Variants in MEIS2 observed in about 807,000 individuals in gnomAD.
The protein encoded by MEIS2 is homeobox protein Meis2.
A neutral mutation model predicts 58.6 loss-of-function variants in MEIS2; 9 were observed. The ratio of observed to expected loss-of-function variants is 0.15; its 90% CI spans 0.09 to 0.27. The LOEUF (loss-of-function observed/expected upper bound fraction) is 0.27. Ranked by LOEUF, MEIS2 falls within the 10% of genes least tolerant of loss-of-function variation. The pLI is 1.00. For synonymous variants in MEIS2, 221 were observed against 228.4 expected (o/e 0.97, Z 0.29); for missense variants, 427 against 635.0 (o/e 0.67, Z 3.52).
intron 7 of MEIS2, among the ~76,000 whole-genome samples, chr15:37,068,708 C>T (rs1358159414): frequency 6.6e-6 from 1 of 152,100 alleles, no homozygotes; most frequent in Non-Finnish European, 1.5e-5. Flanking sequence ...TACTAGACAA[C>T]ATGACTAGAA....
intron 8 of MEIS2, among the ~76,000 whole-genome samples, chr15:37,028,265 C>T (rs1292045561): frequency 2.6e-5 from 4 of 152,074 alleles, no homozygotes; most frequent in Non-Finnish European, 2.9e-5. Context: ...ATTTCATTAC[C>T]CCCATGAAAA....
At chr15:36,895,724 C>T (rs1439471600) in intron 10 of MEIS2, among the ~76,000 whole-genome samples, 1 of 152,146 alleles carries the variant, frequency 6.6e-6, no homozygotes, top group Non-Finnish European at 1.5e-5. Flanking sequence ...TTTATTCACA[C>T]CAAGGAAATA....
At chr15:36,995,956 G>GAT (rs539738718) in intron 8 of MEIS2, among the ~76,000 whole-genome samples, 45 of 112,832 alleles carry the variant, frequency 4.0e-4, no homozygotes, top group African/African-American at 1.0e-3. Context: ...TCTAGTCTGA[G>GAT]ATATATATAT....
At chr15:37,046,764 T>C (rs1356490531) in intron 7 of MEIS2, among the ~76,000 whole-genome samples, 7 of 152,138 alleles carry the variant, frequency 4.6e-5, no homozygotes, top group Admixed American at 2.6e-4. Flanking sequence ...TAATCCTTTA[T>C]AGCAGAAGAG....
intron 11 of MEIS2, among the ~76,000 whole-genome samples, chr15:36,894,264 T>C (rs927620306): frequency 9.2e-5 from 14 of 152,222 alleles, no homozygotes; most frequent in African/African-American, 3.1e-4. Context: ...GCATTTCATC[T>C]TTGCATATAA....
At chr15:37,095,671 AAATGTGAG>A in intron 3 of MEIS2, 57 bp from the exon 4 acceptor site, 1 of 1,613,542 alleles carries the variant, frequency 6.2e-7, no homozygotes, top group Non-Finnish European at 8.5e-7. Flanking sequence ...AAGAAAGCTG[AAATGTGAG>A]AATGGGTACG....
chr15:36,894,616 G>T (rs1440057749), intron 11 of MEIS2: 3 of 879,550 alleles, frequency 3.4e-6, no homozygotes, highest in Non-Finnish European at 5.3e-6. Flanking sequence ...GGAAAGGCAT[G>T]CAGTTATGGG....
rs374223854 is a variant in MEIS2, at chr15:37,042,751, C to T, written c.755-5792G>A. On this transcript the variant is annotated intron_variant, in intron 7 of 11. Transcript: ENST00000561208. ...CAAATAGAAATGTGCTAACTCTTCT[C>T]CAGAAGTCAGCCAGTTCCTGCAAGA... is the stretch of plus-strand genomic sequence containing the variant. Among the ~76,000 whole-genome samples the T allele has an allele frequency of 3.3e-5, 5 of 152,260 alleles. No homozygotes were observed. The East Asian group carries it at 5.8e-4, about 18-fold the overall frequency.
chr15:37,098,414 G>A, intron 1 of MEIS2: 1 of 1,158,950 alleles, frequency 8.6e-7, no homozygotes, highest in Non-Finnish European at 1.1e-6. Flanking sequence ...GAGAGAGAGA[G>A]AGAGAGAGAG....
intron 8 of MEIS2, among the ~76,000 whole-genome samples, chr15:36,957,418 C>T (rs985479081): frequency 1.3e-5 from 2 of 152,122 alleles, no homozygotes; most frequent in African/African-American, 2.4e-5. Context: ...TTCCCTTACC[C>T]GGCTGCTGAA....
rs1894853683 is a variant in MEIS2, at chr15:37,099,571, A to C, written c.-105T>G. 1.3e-5 allele frequency: 20 copies of C among 1,519,086 alleles called. No homozygotes were observed. The South Asian group carries it at 2.5e-4, about 19-fold the overall frequency. The allele number at this position is 1,519,086 out of a possible 1,614,324, so 94.1% of individuals were successfully genotyped here. On this transcript the variant is annotated 5_prime_UTR_variant, in exon 1 of 12. Coordinates refer to ENST00000561208, the MANE Select transcript of MEIS2 (RefSeq NM_170675.5). ...GATTCCTTTTTTTTTTTTCCAAACCAAAGAGACTTCTCCCAATTCTCCAAT... is the reference window on the plus strand; with the variant it reads ...GATTCCTTTTTTTTTTTTCCAAACCCAAGAGACTTCTCCCAATTCTCCAAT...
intron 5 of MEIS2, 139 bp downstream of exon 5, chr15:37,094,388 G>T: frequency 1.3e-6 from 1 of 784,872 alleles, no homozygotes; most frequent in Non-Finnish European, 2.0e-6. Context: ...TGAGAAGCGA[G>T]TTGAAGGATG....
chr15:37,000,623 C>T (rs1327122303), intron 8 of MEIS2, among the ~76,000 whole-genome samples: 4 of 152,118 alleles, frequency 2.6e-5, no homozygotes, highest in African/African-American at 9.7e-5. Context: ...AGAGAAAGAG[C>T]CATTCTTCCA....
At chr15:36,966,578 C>T (rs1406633412) in intron 8 of MEIS2, among the ~76,000 whole-genome samples, 1 of 152,092 alleles carries the variant, frequency 6.6e-6, no homozygotes, top group Non-Finnish European at 1.5e-5. Context: ...ATTAATGGTA[C>T]CTACCTCATA....
chr15:36,986,511 C>T (rs1159789918), intron 8 of MEIS2, among the ~76,000 whole-genome samples: 1 of 152,228 alleles, frequency 6.6e-6, no homozygotes, highest in East Asian at 1.9e-4. Flanking sequence ...ACAGTTGGTT[C>T]CGGCTTCCAG....
intron 9 of MEIS2, among the ~76,000 whole-genome samples, chr15:36,930,233 G>GAAA (rs944116128): frequency 2.2e-5 from 3 of 137,558 alleles, no homozygotes; most frequent in African/African-American, 8.3e-5. Flanking sequence ...GAGAGAGAGA[G>GAAA]AAAAAAAAAG....
chr15:37,031,815 T>TGTGTGTGTG (rs2061937382), intron 8 of MEIS2, among the ~76,000 whole-genome samples: 18 of 134,206 alleles, frequency 1.3e-4, no homozygotes, highest in African/African-American at 5.0e-4. Flanking sequence ...TTACATCACT[T>TGTGTGTGTG]TGTGTGTGTG....
At chr15:37,041,404 C>T (rs985855257) in intron 7 of MEIS2, among the ~76,000 whole-genome samples, 6 of 152,162 alleles carry the variant, frequency 3.9e-5, no homozygotes, top group Non-Finnish European at 8.8e-5. Flanking sequence ...TCCCTGGGTC[C>T]TCCTTCTGTC....
intron 9 of MEIS2, among the ~76,000 whole-genome samples, chr15:36,930,406 T>C (rs1448789245): frequency 2.0e-5 from 3 of 152,088 alleles, no homozygotes; most frequent in African/African-American, 4.8e-5. Flanking sequence ...CAAGGGTCAC[T>C]AAGCCATGGG....
Sources: allele counts gnomAD v4.1 joint callset (sites outside exome capture counted in the v4.1 genomes callset), GRCh38; gene constraint gnomAD v4.1.1; transcripts MANE v1.5; gene names NCBI Gene and HGNC (gene_info 2026-07-23, HGNC 2026-07-21).